Variants in ZBTB40 observed in about 807,000 individuals in gnomAD.
ZBTB40 encodes zinc finger and BTB domain containing 40.
Under a neutral mutation model 117.5 loss-of-function variants are expected in ZBTB40, and 60 were observed. The observed-to-expected ratio is 0.51, with a 90% confidence interval of 0.41 to 0.63. ZBTB40 has a LOEUF of 0.63. ZBTB40 is among the 30% of genes least tolerant of loss of function. The pLI, the probability that ZBTB40 is intolerant of heterozygous loss-of-function variation, is 0.00. For missense variants in ZBTB40, 1,287 were observed against 1,498.5 expected, an observed-to-expected ratio of 0.86 and a Z score of 2.33; for synonymous variants, 525 against 577.1, an observed-to-expected ratio of 0.91 and a Z score of 1.29.
At chr1:22,511,645 C>T (rs745417365) in intron 10 of ZBTB40, 31 bp from the exon 11 acceptor site, 44 of 1,605,922 alleles carry the variant, frequency 2.7e-5, no homozygotes, top group African/African-American at 4.0e-5. Flanking sequence ...ACAGAGAGTT[C>T]GCAGAGCCAC....
chr1:22,462,373 T>TTAATA (rs1641152439), intron 1 of ZBTB40, among the ~76,000 whole-genome samples: 1 of 152,196 alleles, frequency 6.6e-6, no homozygotes, highest in African/African-American at 2.4e-5. Context: ...TTAATAATAG[T>TTAATA]AACTATCTCA....
rs1448980040 is a variant in ZBTB40, at chr1:22,526,226, G to T, written c.3550G>T (p.Ala1184Ser). 1 of 1,614,028 alleles carries T rather than the reference G, an allele frequency of 6.2e-7. No individual in the cohort carries two copies. Among genetic ancestry groups the T allele is most frequent in the African/African-American group, 1.3e-5 (1 of 74,920 alleles). The change falls in exon 18 of 18, where the codon GCC (alanine) becomes TCC (serine). Residue 1184 changes from alanine to serine, a missense_variant. Around this residue, in one of 2 missense-constraint regions of ZBTB40, gnomAD observed 417 missense variants for 564.1 expected, o/e 0.74. Transcript: ENST00000375647. ...AQVIQTPEPVAPTEQVITLEE... is the reference protein window; with the variant it reads ...AQVIQTPEPVSPTEQVITLEE... ...GGTGATCCAAACCCCAGAGCCGGTGGCCCCGACAGAGCAGGTGATCACTTT... is the reference window on the plus strand; with the variant it reads ...GGTGATCCAAACCCCAGAGCCGGTGTCCCCGACAGAGCAGGTGATCACTTT...
chr1:22,455,862 A>G (rs1023438997), intron 1 of ZBTB40, among the ~76,000 whole-genome samples: 8 of 152,010 alleles, frequency 5.3e-5, no homozygotes, highest in Admixed American at 2.0e-4. Context: ...TTCTTGGACT[A>G]TCTGTCTGCA....
At chr1:22,458,384 T>C (rs890668077) in intron 1 of ZBTB40, among the ~76,000 whole-genome samples, 2 of 152,198 alleles carry the variant, frequency 1.3e-5, no homozygotes, top group Non-Finnish European at 2.9e-5. Context: ...CAATTCACCT[T>C]ATATTGAGCA....
Position 22,513,174 on chromosome 1 carries a change from G to T in ZBTB40, c.2668+44G>T. The T allele has an allele frequency of 6.3e-7, 1 of 1,592,320 alleles. No homozygotes were observed. Among genetic ancestry groups the T allele is most frequent in the Non-Finnish European group, 8.6e-7 (1 of 1,167,794 alleles). On this transcript the variant is annotated intron_variant, in intron 12 of 17. Coordinates refer to ENST00000375647, the MANE Select transcript of ZBTB40 (RefSeq NM_014870.4). The surrounding 1 kb of genome is among the most constrained non-coding windows in gnomAD (Gnocchi z 4.9). ...CATTTCTCCTGCAGACTTTCACTGC[G>T]AACTGCCTAAACCCCATTTGGATTA...
chr1:22,478,374 A>T (rs1557494490), intron 1 of ZBTB40, among the ~76,000 whole-genome samples: 1 of 152,000 alleles, frequency 6.6e-6, no homozygotes, highest in African/African-American at 2.4e-5. Flanking sequence ...CAGCCTCCTG[A>T]GTAGCTGGGA....
chr1:22,431,716 A>T (rs936950583), intron 1 of ZBTB40, among the ~76,000 whole-genome samples: 1 of 148,072 alleles, frequency 6.8e-6, no homozygotes, highest in African/African-American at 2.4e-5. Flanking sequence ...AGCCTGGGCG[A>T]CAAGAGTGAA....
At chr1:22,436,300 A>G (rs1331717625) in intron 1 of ZBTB40, among the ~76,000 whole-genome samples, 1 of 152,110 alleles carries the variant, frequency 6.6e-6, no homozygotes, top group Non-Finnish European at 1.5e-5. Flanking sequence ...TCACGAGGTC[A>G]GGAGGTCGAG....
intron 15 of ZBTB40, 128 bp downstream of exon 15, chr1:22,521,786 C>A: frequency 7.3e-7 from 1 of 1,367,342 alleles, no homozygotes; most frequent in Non-Finnish European, 1.0e-6. Flanking sequence ...TGTTCTGCCC[C>A]AGCGCACCTG....
rs906195132 is a variant in ZBTB40, at chr1:22,509,088, C to T, written c.1700-12C>T. On this transcript the variant is annotated splice_polypyrimidine_tract_variant and intron_variant, in intron 8 of 17. Coordinates refer to ENST00000375647, the MANE Select transcript of ZBTB40 (RefSeq NM_014870.4). ...GTTTGCCTAATGAGTTTTTGATCCC[C>T]CTTTTTTTCAGTGACCACCCCAGAA... 3 of 1,613,914 alleles carry T rather than the reference C, an allele frequency of 1.9e-6. No individual in the cohort carries two copies. The highest frequency in any genetic ancestry group is 2.7e-5 in the African/African-American group (2 of 74,886).
intron 5 of ZBTB40, among the ~76,000 whole-genome samples, chr1:22,502,698 G>A (rs1450006649): frequency 6.6e-6 from 1 of 151,880 alleles, no homozygotes. Context: ...TGGATGGGTG[G>A]ACAGTTGGAC....
At chr1:22,518,457 T>G (rs1012780693) in intron 13 of ZBTB40, among the ~76,000 whole-genome samples, 1 of 152,174 alleles carries the variant, frequency 6.6e-6, no homozygotes, top group Non-Finnish European at 1.5e-5. Context: ...TTATTATTGG[T>G]GACAAGAGCA....
At position 22,512,038 on chromosome 1, in the gene ZBTB40, C is replaced by T. The variant is rs765484903; in HGVS notation, c.2365C>T (p.His789Tyr). ...KELDKHQLEA[H>Y]GAGGEPDAPK... Reference sequence around the variant, plus strand: ...GCTGGACAAACATCAGCTGGAGGCCCATGGTGCAGGTGGAGAGCCCGATGC... The same window carrying T: ...GCTGGACAAACATCAGCTGGAGGCCTATGGTGCAGGTGGAGAGCCCGATGC... The change falls in exon 11 of 18, where the codon CAT becomes TAT. Residue 789 changes from histidine (H) to tyrosine (Y), a missense_variant. By Grantham distance (83) the His-to-Tyr change is moderately conservative. Coordinates refer to ENST00000375647, the MANE Select transcript of ZBTB40 (RefSeq NM_014870.4). 10 of 1,613,980 alleles carry T rather than the reference C, an allele frequency of 6.2e-6. No homozygotes were observed. In the East Asian group the frequency reaches 1.1e-4, roughly 18 times the overall value.
intron 1 of ZBTB40, among the ~76,000 whole-genome samples, chr1:22,489,640 T>C (rs1419124186): frequency 6.7e-6 from 1 of 150,138 alleles, no homozygotes; most frequent in African/African-American, 2.4e-5. Flanking sequence ...CACTGAATCG[T>C]TGTGAGAATC....
At chr1:22,464,969 A>C (rs1311609041) in intron 1 of ZBTB40, among the ~76,000 whole-genome samples, 1 of 152,046 alleles carries the variant, frequency 6.6e-6, no homozygotes. Flanking sequence ...TAGGGTGTCG[A>C]TTTTCTTCCT....
In ZBTB40 at chr1:22,490,391, T is replaced by C; in HGVS notation, c.443T>C (p.Ile148Thr). ...GAACCAGAGAAGCCTCAAGTAGAAATCCTTTCATCTGAAGGTGCTGGAGAG... is the reference window on the plus strand; with the variant it reads ...GAACCAGAGAAGCCTCAAGTAGAAACCCTTTCATCTGAAGGTGCTGGAGAG... ...RKEPEKPQVEILSSEGAGEPH... is the reference protein window; with the variant it reads ...RKEPEKPQVETLSSEGAGEPH... Residue 148 changes from isoleucine to threonine, a missense_variant, in exon 2 of 18, where the codon ATC becomes ACC. Physicochemically the swap from Ile to Thr is moderately conservative, Grantham distance 89. This residue lies in a region of ZBTB40 where 870 missense variants were observed against 934.4 expected (regional missense o/e 0.93). Coordinates refer to ENST00000375647, the MANE Select transcript of ZBTB40 (RefSeq NM_014870.4). The C allele has an allele frequency of 6.2e-7, 1 of 1,613,550 alleles. No homozygotes were observed. The highest frequency in any genetic ancestry group is 8.5e-7 in the Non-Finnish European group (1 of 1,179,644).
chr1:22,481,916 C>G (rs1349306334), intron 1 of ZBTB40, among the ~76,000 whole-genome samples: 1 of 148,488 alleles, frequency 6.7e-6, no homozygotes, highest in African/African-American at 2.5e-5. Context: ...AGATTTTTCT[C>G]AAATATTAAT....
At chr1:22,507,301 T>C (rs1639098073) in intron 6 of ZBTB40, among the ~76,000 whole-genome samples, 1 of 152,238 alleles carries the variant, frequency 6.6e-6, no homozygotes. Context: ...CATTTAGCAC[T>C]GTGCCCGGCA....
intron 1 of ZBTB40, among the ~76,000 whole-genome samples, chr1:22,488,847 G>C (rs568729798): frequency 2.4e-4 from 37 of 152,302 alleles, no homozygotes; most frequent in African/African-American, 8.2e-4. Flanking sequence ...AGGCTAATTA[G>C]GAGGTTGCTG....
Sources: allele counts gnomAD v4.1 joint callset (sites outside exome capture counted in the v4.1 genomes callset), GRCh38; gene constraint gnomAD v4.1.1; regional missense constraint gnomAD v4.1.1; non-coding constraint Gnocchi (gnomAD v3.1); transcripts MANE v1.5; gene names NCBI Gene and HGNC (gene_info 2026-07-23, HGNC 2026-07-21).